CCDC192: variants seen among roughly 807,000 people sequenced by gnomAD.
The protein encoded by CCDC192 is coiled-coil domain containing 192.
chr5:127,788,159 A>G (rs1281568087), intron 3 of CCDC192, among the ~76,000 whole-genome samples: 1 of 150,938 alleles, frequency 6.6e-6, no homozygotes, highest in Non-Finnish European at 1.5e-5. Context: ...CTTCTTCTGT[A>G]AATTCTATCA....
intron 6 of CCDC192, among the ~76,000 whole-genome samples, chr5:127,922,990 C>G (rs1753763979): frequency 6.6e-6 from 1 of 152,080 alleles, no homozygotes; most frequent in Non-Finnish European, 1.5e-5. Flanking sequence ...CATCTGAGTA[C>G]CAAAATAGTA....
chr5:127,720,934 C>T (rs921874921), intron 2 of CCDC192, among the ~76,000 whole-genome samples: 4 of 152,190 alleles, frequency 2.6e-5, no homozygotes, highest in Non-Finnish European at 5.9e-5. Context: ...AGCAGCAGGA[C>T]CTTGGGCCTG....
intron 2 of CCDC192, among the ~76,000 whole-genome samples, chr5:127,720,777 C>T (rs1279262787): frequency 6.6e-6 from 1 of 152,200 alleles, no homozygotes; most frequent in Admixed American, 6.5e-5. Flanking sequence ...ACAGGCTTAA[C>T]ACCACATGGA....
At chr5:127,733,915 C>CTATA (rs71575706) in intron 2 of CCDC192, among the ~76,000 whole-genome samples, 5 of 144,772 alleles carry the variant, frequency 3.5e-5, no homozygotes, top group African/African-American at 1.3e-4. Context: ...CCTTCACTAA[C>CTATA]TATATATATA....
intron 6 of CCDC192, among the ~76,000 whole-genome samples, chr5:127,910,396 T>TCCAG (rs1753313490): frequency 6.6e-6 from 1 of 152,200 alleles, no homozygotes; most frequent in Non-Finnish European, 1.5e-5. Flanking sequence ...AGAATTCAGA[T>TCCAG]CCAGATAAAA....
intron 6 of CCDC192, among the ~76,000 whole-genome samples, chr5:127,908,272 C>A (rs917551361): frequency 6.6e-6 from 1 of 152,078 alleles, no homozygotes; most frequent in Non-Finnish European, 1.5e-5. Context: ...ACATTTATTT[C>A]CCCTGGTCAT....
intron 3 of CCDC192, chr5:127,784,725 A>AG (rs1425051360): frequency 3.6e-6 from 2 of 555,240 alleles, no homozygotes; most frequent in African/African-American, 3.8e-5. Context: ...TTGAACCTGG[A>AG]GGATAGCTGA....
chr5:127,800,543 A>G (rs1757454157), intron 5 of CCDC192, among the ~76,000 whole-genome samples: 1 of 152,100 alleles, frequency 6.6e-6, no homozygotes, highest in East Asian at 1.9e-4. Flanking sequence ...ATGAATGGTG[A>G]TTTGTAACAC....
intron 3 of CCDC192, chr5:127,786,136 G>T: frequency 9.2e-7 from 1 of 1,083,216 alleles, no homozygotes; most frequent in Non-Finnish European, 1.4e-6. Flanking sequence ...CTGAAGTTCT[G>T]TGTGGAAAAT....
chr5:127,768,696 A>G (rs1755374255), intron 3 of CCDC192, among the ~76,000 whole-genome samples: 1 of 152,244 alleles, frequency 6.6e-6, no homozygotes, highest in Non-Finnish European at 1.5e-5. Flanking sequence ...TGACTACAAA[A>G]GCTATTAAAG....
intron 3 of CCDC192, among the ~76,000 whole-genome samples, chr5:127,769,927 A>G (rs1230990789): frequency 6.6e-6 from 1 of 152,164 alleles, no homozygotes; most frequent in Non-Finnish European, 1.5e-5. Flanking sequence ...AGAGAAAGAT[A>G]TAGAGATAGA....
At chr5:127,811,557 A>G (rs959641776) in intron 5 of CCDC192, among the ~76,000 whole-genome samples, 7 of 152,144 alleles carry the variant, frequency 4.6e-5, no homozygotes, top group Non-Finnish European at 1.0e-4. Flanking sequence ...AATGTGATAT[A>G]TTTTTATTTA....
intron 5 of CCDC192, among the ~76,000 whole-genome samples, chr5:127,806,095 G>A (rs763751592): frequency 1.3e-5 from 2 of 152,158 alleles, no homozygotes; most frequent in African/African-American, 2.4e-5. Context: ...AATCTGTAAC[G>A]CATTGAAGCA....
At chr5:127,839,395 A>C (rs1750177804) in intron 5 of CCDC192, among the ~76,000 whole-genome samples, 1 of 152,224 alleles carries the variant, frequency 6.6e-6, no homozygotes. Context: ...AAATGTTATA[A>C]AGTATGTTTT....
chr5:127,792,579 A>C (rs1756930559), intron 3 of CCDC192, among the ~76,000 whole-genome samples: 2 of 151,188 alleles, frequency 1.3e-5, no homozygotes, highest in Admixed American at 1.3e-4. Flanking sequence ...GGTGGTGTGC[A>C]GCTGTAGTCT....
At chr5:127,754,121 A>T (rs554610316) in intron 2 of CCDC192, 147 bp from the exon 3 acceptor site, 61 of 387,290 alleles carry the variant, frequency 1.6e-4, no homozygotes, top group Non-Finnish European at 7.3e-5. Context: ...TTTTATTTCC[A>T]TGTTAAGAAA....
intron 3 of CCDC192, among the ~76,000 whole-genome samples, chr5:127,765,076 T>G (rs1421599662): frequency 6.6e-6 from 1 of 152,234 alleles, no homozygotes; most frequent in Non-Finnish European, 1.5e-5. Context: ...ACAGAGGTCT[T>G]CAAAATTTTG....
chr5:127,717,551 A>G lies in CCDC192; in HGVS notation c.114+9791A>G, dbSNP rs910532773. Among the ~76,000 whole-genome samples, 12 of 152,068 alleles carry G rather than the reference A, an allele frequency of 7.9e-5. 1 individual carries two copies. Among genetic ancestry groups the G allele is most frequent in the Admixed American group, 5.2e-4 (8 of 15,270 alleles). On this transcript the variant is annotated intron_variant, in intron 2 of 6. Coordinates refer to ENST00000514853, the MANE Select transcript of CCDC192 (RefSeq NM_001317938.2). ...TCAAAATTTCAATTAATTTAATTTG[A>G]TTATCATTAATTTTTTGAACTTTAC...
At chr5:127,835,514 C>T (rs933148089) in intron 5 of CCDC192, among the ~76,000 whole-genome samples, 1 of 152,174 alleles carries the variant, frequency 6.6e-6, no homozygotes, top group Non-Finnish European at 1.5e-5. Flanking sequence ...CTCTCTCCCT[C>T]TATTAGAATG....
Sources: allele counts gnomAD v4.1 joint callset (sites outside exome capture counted in the v4.1 genomes callset), GRCh38; gene constraint gnomAD v4.1.1; transcripts MANE v1.5; gene names NCBI Gene and HGNC (gene_info 2026-07-23, HGNC 2026-07-21).